The following MPDZ variants were observed in gnomAD, a reference collection of about 807,000 sequenced individuals.
MPDZ encodes multiple PDZ domain crumbs cell polarity complex component, also known as multiple PDZ domain protein.
Under a neutral mutation model 239.1 loss-of-function variants are expected in MPDZ, and 234 were observed. The observed-to-expected ratio is 0.98, with a 90% CI of 0.88 to 1.09. The LOEUF (loss-of-function observed/expected upper bound fraction) is 1.09. Among genes scored for constraint, MPDZ ranks in the 50% least tolerant of loss-of-function variants. MPDZ has a pLI of 0.00. For missense variants in MPDZ, 3,175 were observed against 2,510.0 expected, an observed-to-expected ratio of 1.26 and a Z score of -5.66; for synonymous variants, 1,048 against 881.3, an observed-to-expected ratio of 1.19 and a Z score of -3.35.
chr9:13,141,777 G>T (rs570808470), intron 27 of MPDZ, among the ~76,000 whole-genome samples: 49 of 152,160 alleles, frequency 3.2e-4, no homozygotes, highest in African/African-American at 1.2e-3. Flanking sequence ...CAATTTTCTG[G>T]CAAAGCAAAT....
At chr9:13,224,254 T>C in intron 4 of MPDZ, 120 bp downstream of exon 4, 1 of 967,700 alleles carries the variant, frequency 1.0e-6, no homozygotes, top group East Asian at 2.5e-5. Flanking sequence ...AAACTGACTT[T>C]TTGTTCCAAT....
chr9:13,111,874 C>G, intron 43 of MPDZ, 150 bp downstream of exon 43: 1 of 624,228 alleles, frequency 1.6e-6, no homozygotes, highest in Non-Finnish European at 2.4e-6. Context: ...ATCTTTTATT[C>G]CAAGCAAGCC....
chr9:13,211,255 G>A (rs1957582069), intron 10 of MPDZ, among the ~76,000 whole-genome samples: 1 of 152,042 alleles, frequency 6.6e-6, no homozygotes, highest in Non-Finnish European at 1.5e-5. Flanking sequence ...GTTCTTCTAG[G>A]GGAAAGGGAA....
At chr9:13,178,890 C>T (rs1316355704) in intron 19 of MPDZ, among the ~76,000 whole-genome samples, 1 of 152,100 alleles carries the variant, frequency 6.6e-6, no homozygotes, top group South Asian at 2.1e-4. Flanking sequence ...TTAATAAGTC[C>T]TTCCACACAA....
In MPDZ at chr9:13,174,600, T is replaced by C. The variant is rs116094224; in HGVS notation, c.3055+1152A>G. Among the ~76,000 whole-genome samples the C allele has an allele frequency of 4.8e-3, 727 of 152,304 alleles. 7 individuals are homozygous for C. The highest frequency in any genetic ancestry group is 0.016 in the African/African-American group (682 of 41,580). On this transcript the variant is annotated intron_variant, in intron 21 of 46. Transcript: ENST00000319217. ...CCCAAACTTTTAAACTTGGAACTCA[T>C]TTATAACTCCTATTAACATCCTACA... is the stretch of plus-strand genomic sequence containing the variant.
In MPDZ at chr9:13,205,971, C is replaced by T. The variant is rs1399055937; in HGVS notation, c.1419G>A (p.Arg473=). The part of the protein sequence containing the change: ...GMKQEAELMS[R]EDVTKDADLS... The stretch of plus-strand genomic sequence containing the variant: ...AATCTGCATCTTTTGTGACGTCTTC[C>T]CTTGACATGAGCTCGGCTTCCTGCT... The change falls in exon 11 of 47, where the codon AGG becomes AGA. Residue 473 remains arginine, a synonymous_variant. Transcript: ENST00000319217. The T allele has an allele frequency of 3.7e-6, 6 of 1,610,250 alleles. No homozygotes were observed. Among genetic ancestry groups the T allele is most frequent in the Non-Finnish European group, 5.1e-6 (6 of 1,178,552 alleles).
In MPDZ at chr9:13,173,411, T is replaced by C. The variant is rs923115014; in HGVS notation, c.3055+2341A>G. Among the ~76,000 whole-genome samples, 3 of 152,204 alleles carry C rather than the reference T, an allele frequency of 2.0e-5. No homozygotes were observed. In the South Asian group the frequency reaches 6.2e-4, roughly 32 times the overall value. On this transcript the variant is annotated intron_variant, in intron 21 of 46. Coordinates refer to ENST00000319217, the MANE Select transcript of MPDZ (RefSeq NM_001378778.1). ...CAGCATTCTTACAATTAATTAAAAA[T>C]TGGTAAGCAGGCCGGGCAGGGTGAC... is the stretch of plus-strand genomic sequence containing the variant.
intron 10 of MPDZ, among the ~76,000 whole-genome samples, chr9:13,215,855 A>C (rs1202192331): frequency 6.9e-6 from 1 of 143,958 alleles, no homozygotes; most frequent in Admixed American, 7.4e-5. Context: ...ATAGCCTTGA[A>C]CTCCCAGACT....
intron 10 of MPDZ, among the ~76,000 whole-genome samples, chr9:13,210,718 AC>A (rs1418065739): frequency 1.3e-5 from 2 of 152,084 alleles, no homozygotes; most frequent in Non-Finnish European, 2.9e-5. Context: ...GAATGATGGG[AC>A]TCAAAAGAGA....
chr9:13,190,034 G>T lies in MPDZ; in HGVS notation c.2154+80C>A, dbSNP rs1476161487. 5 of 1,283,724 alleles carry T rather than the reference G, an allele frequency of 3.9e-6. No individual in the cohort carries two copies. The East Asian group carries it at 1.0e-4, about 26-fold the overall frequency. 79.5% of individuals were successfully genotyped at this position (1,283,724 alleles called of 1,614,324 possible). A position where few individuals can be genotyped will look rare whatever the true frequency, so the allele number is the denominator to read the frequency against. On this transcript the variant is annotated intron_variant, in intron 16 of 46. Transcript: ENST00000319217. ...TAGAAAAAAGAAAACATCTTTGATG[G>T]TTATAAACTATCATCATCTGCTTTT... is the stretch of plus-strand genomic sequence containing the variant.
rs141507854 is a variant in MPDZ, at chr9:13,156,481, G to C, written c.3452+1537C>G. On this transcript the variant is annotated intron_variant, in intron 24 of 46. Coordinates refer to ENST00000319217, the MANE Select transcript of MPDZ (RefSeq NM_001378778.1). ...TCACATCTTATGTGGATGGCAGCAG[G>C]CAAATAAAAGAGCTTGTGCAGGGCA... is the stretch of plus-strand genomic sequence containing the variant. 5.4e-3 allele frequency among the ~76,000 whole-genome samples: 823 copies of C among 152,264 alleles called. 8 individuals are homozygous for C. Among genetic ancestry groups the C allele is most frequent in the African/African-American group, 0.018 (738 of 41,564 alleles).
chr9:13,190,561 G>A (rs1041405012), intron 15 of MPDZ, among the ~76,000 whole-genome samples: 2 of 152,000 alleles, frequency 1.3e-5, no homozygotes, highest in South Asian at 2.1e-4. Context: ...GTTATATCTC[G>A]ACAGCAGGAT....
chr9:13,193,269 T>C lies in MPDZ; in HGVS notation c.1701A>G (p.Ile567Met), dbSNP rs1334152466. 6 of 1,612,326 alleles carry C rather than the reference T, an allele frequency of 3.7e-6. No homozygotes were observed. The highest frequency in any genetic ancestry group is 3.3e-4 in the Middle Eastern group (2 of 6,074). ...SKFSENSGLG[I>M]SLEATVGHHF... Reference sequence around the variant, plus strand: ...GATGTCCCACTGTCGCTTCCAGGCTTATCCCCAATCCACTGTTCTCACTAA... The same window carrying C: ...GATGTCCCACTGTCGCTTCCAGGCTCATCCCCAATCCACTGTTCTCACTAA... The change falls in exon 14 of 47, where the codon ATA becomes ATG. Residue 567 changes from isoleucine (I) to methionine (M), a missense_variant. By Grantham distance (10) the Ile-to-Met change is conservative. Transcript: ENST00000319217.
At chr9:13,107,431 A>T (rs1184831511) in intron 46 of MPDZ, among the ~76,000 whole-genome samples, 1 of 152,192 alleles carries the variant, frequency 6.6e-6, no homozygotes, top group Non-Finnish European at 1.5e-5. Context: ...TTTGCCTAGT[A>T]GGAATGATTC....
intron 21 of MPDZ, among the ~76,000 whole-genome samples, chr9:13,173,956 A>G (rs755426690): frequency 6.6e-6 from 1 of 152,096 alleles, no homozygotes; most frequent in Non-Finnish European, 1.5e-5. Context: ...GTTGTCTCCC[A>G]TTTATCCTTC....
chr9:13,125,141 G>T, intron 35 of MPDZ, 75 bp downstream of exon 35: 1 of 1,366,096 alleles, frequency 7.3e-7, no homozygotes, highest in Non-Finnish European at 9.8e-7. Flanking sequence ...TAGGCAGCTG[G>T]CTCCCAAGCA....
intron 10 of MPDZ, among the ~76,000 whole-genome samples, chr9:13,206,378 C>T (rs536991163): frequency 1.3e-5 from 2 of 151,940 alleles, no homozygotes; most frequent in East Asian, 3.9e-4. Context: ...AGGACACAGG[C>T]TTCTATGCCT....
intron 22 of MPDZ, among the ~76,000 whole-genome samples, chr9:13,166,321 T>C (rs988559280): frequency 1.3e-5 from 2 of 152,128 alleles, no homozygotes; most frequent in African/African-American, 4.8e-5. Flanking sequence ...CAAAAACACT[T>C]CATGCAAAAT....
At chr9:13,198,672 A>C (rs1156368312) in intron 12 of MPDZ, among the ~76,000 whole-genome samples, 1 of 150,320 alleles carries the variant, frequency 6.7e-6, no homozygotes, top group Non-Finnish European at 1.5e-5. Context: ...AGACAAATCC[A>C]ATGTCCTGAA....
Sources: allele counts gnomAD v4.1 joint callset (sites outside exome capture counted in the v4.1 genomes callset), GRCh38; gene constraint gnomAD v4.1.1; transcripts MANE v1.5; gene names NCBI Gene and HGNC (gene_info 2026-07-23, HGNC 2026-07-21).